ZNF723: variants seen among roughly 807,000 people sequenced by gnomAD.
ZNF723 encodes the protein zinc finger protein 723.
In ZNF723, 5 loss-of-function variants were observed where a neutral mutation model predicts 9.4. The ratio of observed to expected loss-of-function variants is 0.53; its 90% CI spans 0.28 to 1.12. The LOEUF is 1.12. ZNF723 is among the 50% of genes most tolerant of loss of function. ZNF723 has a pLI of 0.10. For synonymous variants in ZNF723, 158 were observed against 168.8 expected, an observed-to-expected ratio of 0.94 and a Z score of 0.49; for missense variants, 450 against 501.5, an observed-to-expected ratio of 0.90 and a Z score of 0.98.
At chr19:22,817,534 T>G in the ZNF723 span, among the ~76,000 whole-genome samples, 1 of 152,040 alleles carries the variant, frequency 6.6e-6, no homozygotes, top group East Asian at 1.9e-4. Context: ...GGGAGCACTG[T>G]GACATATTGC....
rs185194434 is a variant in ZNF723, at chr19:22,846,607, A to G, written c.4-1654A>G. ...CACTGCCCTCCAGCCTGGATGACAC[A>G]ATGAGACTCTGTCTCAAGAAAAAAT... On this transcript the variant is annotated intron_variant, in intron 1 of 3. Coordinates refer to ENST00000600766, the MANE Select transcript of ZNF723 (RefSeq NM_001349726.2). Among the ~76,000 whole-genome samples the G allele has an allele frequency of 3.3e-5, 5 of 152,162 alleles. No individual in the cohort carries two copies. The South Asian group carries it at 6.2e-4, about 19-fold the overall frequency.
intron 1 of ZNF723, among the ~76,000 whole-genome samples, chr19:22,845,485 A>G (rs1239162231): frequency 6.6e-6 from 1 of 151,612 alleles, no homozygotes; most frequent in East Asian, 2.0e-4. Context: ...TTGAAGATAC[A>G]CTCATGAGAG....
At position 22,858,391 on chromosome 19, in the gene ZNF723, G is replaced by T; in HGVS notation, c.1500G>T (p.Lys500Asn). Reference sequence around the variant, plus strand: ...AGTCCTCAATTCTTAACAGACATAAGATAATTCATACTAAAGAGAAATCAC... The same window carrying T: ...AGTCCTCAATTCTTAACAGACATAATATAATTCATACTAAAGAGAAATCAC... ...FNKSSILNRH[K>N]IIHTKEKSQT... The change falls in exon 4 of 4, where the codon AAG becomes AAT. Residue 500 changes from lysine to asparagine, a missense_variant. Physicochemically the swap from Lys to Asn is moderately conservative, Grantham distance 94. Transcript: ENST00000600766. 1 of 791,656 alleles carries T rather than the reference G, an allele frequency of 1.3e-6. No individual in the cohort carries two copies. The highest frequency in any genetic ancestry group is 2.1e-6 in the Non-Finnish European group (1 of 479,680). 49.0% of individuals were successfully genotyped at this position (791,656 alleles called of 1,614,324 possible).
chr19:22,843,150 G>A (rs1350004095), intron 1 of ZNF723, among the ~76,000 whole-genome samples: 1 of 152,150 alleles, frequency 6.6e-6, no homozygotes, highest in Non-Finnish European at 1.5e-5. Context: ...GGATAATCAG[G>A]ACAGGTGATC....
the ZNF723 span, among the ~76,000 whole-genome samples, chr19:22,820,660 T>A: frequency 6.6e-6 from 1 of 152,220 alleles, no homozygotes; most frequent in Non-Finnish European, 1.5e-5. Context: ...CTGGGTCTCC[T>A]GTTTGCATAA....
chr19:22,848,213 G>T, intron 1 of ZNF723, 48 bp from the exon 2 acceptor site: 1 of 673,530 alleles, frequency 1.5e-6, no homozygotes, highest in African/African-American at 1.9e-5. Flanking sequence ...TTCTGCCGTT[G>T]GCCACCCGGT....
the ZNF723 span, among the ~76,000 whole-genome samples, chr19:22,826,208 C>T: frequency 1.3e-5 from 2 of 152,164 alleles, no homozygotes; most frequent in Non-Finnish European, 2.9e-5. Context: ...CTGGGTCCTG[C>T]CCATAGGGGA....
chr19:22,836,586 T>G (rs1002363638), intron 1 of ZNF723, among the ~76,000 whole-genome samples: 1 of 152,178 alleles, frequency 6.6e-6, no homozygotes, highest in Non-Finnish European at 1.5e-5. Flanking sequence ...GAAGTCAGCA[T>G]GTTCTTAGAA....
At chr19:22,813,968 A>C in the ZNF723 span, among the ~76,000 whole-genome samples, 1 of 151,554 alleles carries the variant, frequency 6.6e-6, no homozygotes, top group Non-Finnish European at 1.5e-5. Flanking sequence ...TGTGCCACCA[A>C]GCCCGGCTAA....
intron 1 of ZNF723, among the ~76,000 whole-genome samples, chr19:22,842,257 G>A (rs778871098): frequency 1.3e-5 from 2 of 152,154 alleles, no homozygotes; most frequent in East Asian, 1.9e-4. Context: ...GACCCGCCTC[G>A]GCCTTCCAAA....
chr19:22,829,228 TAA>T (rs3033423), upstream of ZNF723, among the ~76,000 whole-genome samples: 51,669 of 140,344 alleles, frequency 0.37, 9,414 homozygotes, highest in African/African-American at 0.46. Context: ...TGTTTCTACT[TAA>T]AAAAAAAAAA....
rs868310905 is a variant in ZNF723, at chr19:22,857,530, C to T, written c.639C>T (p.Pro213=). 4 of 1,277,296 alleles carry T rather than the reference C, an allele frequency of 3.1e-6. No individual in the cohort carries two copies. The highest frequency in any genetic ancestry group is 1.9e-4 in the Middle Eastern group (1 of 5,400). The allele number at this position is 1,277,296 out of a possible 1,614,324, so 79.1% of individuals were successfully genotyped here. ...CEECGKAFSV[P]SKLNNHKRIH... The stretch of plus-strand genomic sequence containing the variant: ...AATGTGGCAAAGCCTTTAGTGTGCC[C>T]TCAAAGCTTAATAATCATAAGAGAA... The change falls in exon 4 of 4, where the codon CCC becomes CCT. Residue 213 remains proline, a synonymous_variant. Coordinates refer to ENST00000600766, the MANE Select transcript of ZNF723 (RefSeq NM_001349726.2).
chr19:22,817,019 G>T, the ZNF723 span, among the ~76,000 whole-genome samples: 1 of 152,256 alleles, frequency 6.6e-6, no homozygotes, highest in Non-Finnish European at 1.5e-5. Context: ...ATGAGGAATT[G>T]TGAAGTGTCT....
At chr19:22,841,199 T>C (rs1824792) in intron 1 of ZNF723, among the ~76,000 whole-genome samples, 55,641 of 152,176 alleles carry the variant, frequency 0.37, 10,746 homozygotes, top group African/African-American at 0.51. Flanking sequence ...CAGCAGGCAC[T>C]TGGCTTCATG....
the ZNF723 span, among the ~76,000 whole-genome samples, chr19:22,813,401 G>A: frequency 6.6e-6 from 1 of 152,130 alleles, no homozygotes; most frequent in South Asian, 2.1e-4. Context: ...CTGCCTTTGT[G>A]CTGCCCCTAG....
upstream of ZNF723, among the ~76,000 whole-genome samples, chr19:22,829,198 A>G (rs1833525411): frequency 6.7e-6 from 1 of 149,732 alleles, no homozygotes; most frequent in African/African-American, 2.5e-5. Context: ...AACAAACATA[A>G]TAAAATAACC....
Position 22,857,918 on chromosome 19 carries a change from T to G in ZNF723, c.1027T>G (p.Cys343Gly). The G allele has an allele frequency of 1.4e-6, 2 of 1,453,332 alleles. No homozygotes were observed. The highest frequency in any genetic ancestry group is 1.9e-6 in the Non-Finnish European group (2 of 1,034,418). The allele number at this position is 1,453,332 out of a possible 1,614,324, so 90.0% of individuals were successfully genotyped here. ...TCATACTGGAGAGAAACTCTACAAA[T>G]GTGAAGAATGTGGCAAAGCATTCAG... ...RIHTGEKLYK[C>G]EECGKAFSQS... Residue 343 changes from cysteine (C) to glycine (G), a missense_variant, in exon 4 of 4, where the codon TGT (cysteine) becomes GGT (glycine). Around this residue, in one of 5 missense-constraint regions of ZNF723, gnomAD observed 237 missense variants for 332.2 expected, o/e 0.71. Transcript: ENST00000600766.
chr19:22,818,720 AT>A, the ZNF723 span, among the ~76,000 whole-genome samples: 2 of 152,288 alleles, frequency 1.3e-5, no homozygotes, highest in East Asian at 3.9e-4. Flanking sequence ...CACAGATGTG[AT>A]TGTTACATAC....
chr19:22,857,574 C>A lies in ZNF723; in HGVS notation c.683C>A (p.Pro228His), dbSNP rs542537500. 3.7e-6 allele frequency: 5 copies of A among 1,342,414 alleles called. No homozygotes were observed. The South Asian group carries it at 5.9e-5, about 16-fold the overall frequency. 83.2% of individuals were successfully genotyped at this position (1,342,414 alleles called of 1,614,324 possible). ...NHKRIHTGEK[P>H]YKCEECGKAF... ...AAGAGAATTCATACTGGAGAGAAAC[C>A]CTACAAATGTGAAGAATGTGGCAAA... The change falls in exon 4 of 4, where the codon CCC becomes CAC. Residue 228 changes from proline to histidine, a missense_variant. Physicochemically the swap from Pro to His is moderately conservative, Grantham distance 77. Around this residue, in one of 5 missense-constraint regions of ZNF723, gnomAD observed 237 missense variants for 332.2 expected, o/e 0.71. Coordinates refer to ENST00000600766, the MANE Select transcript of ZNF723 (RefSeq NM_001349726.2).
Sources: gnomAD v4.1 joint callset for allele counts (sites outside exome capture counted in the v4.1 genomes callset) on GRCh38, gnomAD v4.1.1 for gene constraint, gnomAD v4.1.1 regional missense constraint, MANE v1.5 for transcripts, NCBI Gene and HGNC (gene_info 2026-07-23, HGNC 2026-07-21) for gene names.